ARHGAP29: variants seen among roughly 807,000 people sequenced by gnomAD.
ARHGAP29 encodes Rho GTPase activating protein 29.
Under a neutral mutation model 122.6 loss-of-function variants are expected in ARHGAP29, and 43 were observed. The observed-to-expected ratio is 0.35, with a 90% confidence interval of 0.27 to 0.45. The LOEUF is 0.45. Ranked by LOEUF, ARHGAP29 falls within the 20% of genes least tolerant of loss-of-function variation. ARHGAP29 has a pLI of 1.00. For synonymous variants in ARHGAP29, 506 were observed against 497.1 expected (o/e 1.02, Z -0.24); for missense variants, 1,303 against 1,477.2 (o/e 0.88, Z 1.93).
chr1:94,289,610 A>G, the ARHGAP29 span, among the ~76,000 whole-genome samples: 1 of 152,198 alleles, frequency 6.6e-6, no homozygotes, highest in African/African-American at 2.4e-5. Context: ...CCCATTCAGT[A>G]TGATATTGGC....
intron 16 of ARHGAP29, among the ~76,000 whole-genome samples, chr1:94,185,867 T>G (rs971113671): frequency 6.6e-6 from 1 of 152,104 alleles, no homozygotes; most frequent in Non-Finnish European, 1.5e-5. Context: ...GAGGTTAGAG[T>G]GTGAGCATTA....
intron 6 of ARHGAP29, 81 bp downstream of exon 6, chr1:94,205,554 G>A (rs1317549377): frequency 7.6e-7 from 1 of 1,308,790 alleles, no homozygotes; most frequent in Non-Finnish European, 1.1e-6. Context: ...AGGTTACTAA[G>A]CAAGAAGAGA....
intron 15 of ARHGAP29, among the ~76,000 whole-genome samples, chr1:94,187,261 GAAGAATTCACCTTAACGT>G (rs1412283107): frequency 1.3e-5 from 2 of 152,164 alleles, no homozygotes; most frequent in Non-Finnish European, 2.9e-5. Context: ...TATCTAAGTG[GAAGAATTCACCTTAACGT>G]AAGGCCTTAA....
chr1:94,211,503 T>C (rs559582830), intron 3 of ARHGAP29, among the ~76,000 whole-genome samples: 1 of 152,076 alleles, frequency 6.6e-6, no homozygotes, highest in Non-Finnish European at 1.5e-5. Flanking sequence ...ATCTACCACC[T>C]TGACAAGACA....
chr1:94,236,350 C>T (rs1653256898), intron 1 of ARHGAP29, among the ~76,000 whole-genome samples: 1 of 152,184 alleles, frequency 6.6e-6, no homozygotes, highest in Non-Finnish European at 1.5e-5. Context: ...CTCCTTTGAC[C>T]AGCCAAAACT....
the ARHGAP29 span, among the ~76,000 whole-genome samples, chr1:94,295,689 T>C: frequency 1.4e-5 from 1 of 70,274 alleles, no homozygotes; most frequent in Non-Finnish European, 3.2e-5. Context: ...ATGAAATACT[T>C]ACTCTAATTC....
intron 6 of ARHGAP29, 31 bp from the exon 7 acceptor site, chr1:94,205,229 G>A (rs760955388): frequency 4.6e-6 from 7 of 1,505,946 alleles, no homozygotes; most frequent in Non-Finnish European, 5.4e-6. Context: ...GTAAGTATAT[G>A]TTAAATGTGA....
chr1:94,237,597 G>A (rs1330460722), upstream of ARHGAP29: 3 of 987,684 alleles, frequency 3.0e-6, no homozygotes, highest in East Asian at 1.1e-4. Flanking sequence ...AGCCGCCACC[G>A]CCCCTGCAGC....
chr1:94,313,808 G>A, the ARHGAP29 span, among the ~76,000 whole-genome samples: 4 of 152,164 alleles, frequency 2.6e-5, no homozygotes, highest in Non-Finnish European at 4.4e-5. Context: ...AAAAAAAGAT[G>A]AGTTCATGTC....
intron 20 of ARHGAP29, 35 bp downstream of exon 20, chr1:94,179,690 C>A: frequency 7.5e-7 from 1 of 1,334,208 alleles, no homozygotes; most frequent in South Asian, 1.3e-5. Flanking sequence ...ATCAATTGCC[C>A]ATTAATAAAT....
At chr1:94,272,509 C>G (rs991395787) in intron 1 of ARHGAP29, among the ~76,000 whole-genome samples, 1 of 152,172 alleles carries the variant, frequency 6.6e-6, no homozygotes, top group African/African-American at 2.4e-5. Context: ...TCTTTGAATA[C>G]ATCCAAGCAT....
chr1:94,198,886 C>T (rs1389120251), intron 12 of ARHGAP29, among the ~76,000 whole-genome samples: 1 of 152,206 alleles, frequency 6.6e-6, no homozygotes, highest in Non-Finnish European at 1.5e-5. Flanking sequence ...AATACTCAAA[C>T]AATTCTATAA....
At chr1:94,214,781 A>C (rs1651855362) in intron 3 of ARHGAP29, among the ~76,000 whole-genome samples, 1 of 152,196 alleles carries the variant, frequency 6.6e-6, no homozygotes, top group Non-Finnish European at 1.5e-5. Context: ...GTATCTCTTC[A>C]AGAAATCACC....
chr1:94,175,576 C>G (rs1212890746), intron 22 of ARHGAP29, among the ~76,000 whole-genome samples: 1 of 152,208 alleles, frequency 6.6e-6, no homozygotes, highest in East Asian at 1.9e-4. Context: ...TCACCCACAT[C>G]TCTTAGGCAG....
chr1:94,263,686 A>G (rs767873273), intron 1 of ARHGAP29, among the ~76,000 whole-genome samples: 20 of 152,212 alleles, frequency 1.3e-4, no homozygotes, highest in Non-Finnish European at 2.6e-4. Flanking sequence ...GATAGTGACT[A>G]TTAATACCTC....
chr1:94,285,508 G>C, the ARHGAP29 span, among the ~76,000 whole-genome samples: 2 of 152,166 alleles, frequency 1.3e-5, no homozygotes, highest in African/African-American at 4.8e-5. Flanking sequence ...GTCAATGAAG[G>C]CATTCTGGAG....
At chr1:94,210,159 G>A (rs1046164651) in intron 3 of ARHGAP29, among the ~76,000 whole-genome samples, 3 of 152,172 alleles carry the variant, frequency 2.0e-5, no homozygotes, top group African/African-American at 7.2e-5. Context: ...TAAAGTAACT[G>A]TTGCTACTTG....
chr1:94,294,515 TG>T, the ARHGAP29 span, among the ~76,000 whole-genome samples: 1 of 152,190 alleles, frequency 6.6e-6, no homozygotes, highest in East Asian at 1.9e-4. Context: ...CTCGCACTCC[TG>T]GGCTCAAGTG....
At chr1:94,236,120 G>A (rs994827338) in intron 1 of ARHGAP29, among the ~76,000 whole-genome samples, 1 of 152,188 alleles carries the variant, frequency 6.6e-6, no homozygotes, top group Admixed American at 6.5e-5. Context: ...CTAAAACGAT[G>A]ATTAAATCTT....
Sources: gnomAD v4.1 joint callset for allele counts (sites outside exome capture counted in the v4.1 genomes callset) on GRCh38, gnomAD v4.1.1 for gene constraint, MANE v1.5 for transcripts, NCBI Gene and HGNC (gene_info 2026-07-23, HGNC 2026-07-21) for gene names.